NEBL: variants seen among roughly 807,000 people sequenced by gnomAD.
NEBL encodes nebulette.
Under a neutral mutation model 140.2 loss-of-function variants are expected in NEBL, and 122 were observed. That is an observed-to-expected ratio of 0.87 (90% CI 0.75 to 1.01). NEBL has a LOEUF of 1.01. Ranked by LOEUF, NEBL falls within the 50% of genes least tolerant of loss-of-function variation. NEBL has a pLI of 0.00. For missense variants in NEBL, 1,365 were observed against 1,231.3 expected (o/e 1.11, Z -1.62); for synonymous variants, 436 against 398.9 (o/e 1.09, Z -1.11).
At chr10:21,275,161 G>A (rs1010614351) in intron 1 of NEBL, among the ~76,000 whole-genome samples, 1 of 152,184 alleles carries the variant, frequency 6.6e-6, no homozygotes, top group Admixed American at 6.5e-5. Flanking sequence ...CTTTATCGCG[G>A]CCTCATGAGC....
At chr10:21,128,570 T>C (rs561929600) in intron 2 of NEBL, among the ~76,000 whole-genome samples, 4 of 151,410 alleles carry the variant, frequency 2.6e-5, no homozygotes, top group Non-Finnish European at 4.4e-5. Flanking sequence ...AGCTGAAAAA[T>C]CCACAGTAAG....
chr10:21,143,473 C>CAAAAAAAAAAAAAAAAAAAAAAA (rs1839745073), intron 2 of NEBL, among the ~76,000 whole-genome samples: 1 of 122,052 alleles, frequency 8.2e-6, no homozygotes. Flanking sequence ...AAAAAAAAAT[C>CAAAAAAAAAAAAAAAAAAAAAAA]AAACGTGAAA....
chr10:21,179,474 A>AC (rs1025074852), upstream of NEBL, among the ~76,000 whole-genome samples: 2 of 149,388 alleles, frequency 1.3e-5, no homozygotes, highest in Admixed American at 1.3e-4. Flanking sequence ...CCAATCAATG[A>AC]CCCCCCGCTC....
chr10:21,172,593 C>CA (rs1841129049), intron 1 of NEBL: 1 of 744,154 alleles, frequency 1.3e-6, no homozygotes. Context: ...AATATTACAA[C>CA]AAAAAGAGTG....
At chr10:21,053,023 T>A (rs994673765) in intron 2 of NEBL, among the ~76,000 whole-genome samples, 1 of 152,198 alleles carries the variant, frequency 6.6e-6, no homozygotes, top group African/African-American at 2.4e-5. Flanking sequence ...TCCCAACACA[T>A]AGAAACGATG....
At chr10:21,054,795 C>T (rs1358436054) in intron 2 of NEBL, among the ~76,000 whole-genome samples, 2 of 152,008 alleles carry the variant, frequency 1.3e-5, no homozygotes, top group African/African-American at 4.8e-5. Flanking sequence ...TATGACTTGG[C>T]ACTTACTCGG....
intron 21 of NEBL, among the ~76,000 whole-genome samples, chr10:20,817,377 A>G (rs1486226500): frequency 6.6e-6 from 1 of 152,124 alleles, no homozygotes; most frequent in Non-Finnish European, 1.5e-5. Context: ...AAAAAAACAA[A>G]AAGAAAAAAG....
At chr10:21,261,954 C>A (rs2132281388) in intron 1 of NEBL, among the ~76,000 whole-genome samples, 1 of 152,276 alleles carries the variant, frequency 6.6e-6, no homozygotes, top group Non-Finnish European at 1.5e-5. Flanking sequence ...GGAGTCCACA[C>A]TGTTCAGTCC....
intron 2 of NEBL, among the ~76,000 whole-genome samples, chr10:21,086,513 C>T (rs895947890): frequency 6.6e-6 from 1 of 152,184 alleles, no homozygotes; most frequent in Non-Finnish European, 1.5e-5. Flanking sequence ...CATGGTGGCT[C>T]ACACCTGTAA....
At chr10:21,282,909 G>C (rs1443098208) in intron 1 of NEBL, among the ~76,000 whole-genome samples, 1 of 152,194 alleles carries the variant, frequency 6.6e-6, no homozygotes, top group Non-Finnish European at 1.5e-5. Flanking sequence ...CAGATCACCT[G>C]AGGTTAAGAG....
intron 4 of NEBL, among the ~76,000 whole-genome samples, chr10:20,936,326 C>A (rs984946329): frequency 6.6e-6 from 1 of 151,940 alleles, no homozygotes; most frequent in Non-Finnish European, 1.5e-5. Flanking sequence ...GTAAAAGGGG[C>A]AATAAAAAAA....
chr10:21,191,855 TC>T (rs1841579428), intron 3 of NEBL, among the ~76,000 whole-genome samples: 1 of 152,102 alleles, frequency 6.6e-6, no homozygotes, highest in South Asian at 2.1e-4. Flanking sequence ...ATCAAAAGCT[TC>T]CCCAACTTCT....
At position 21,061,437 on chromosome 10, in the gene NEBL, GAT is replaced by G. The variant is rs199667295; in HGVS notation, c.165-41238_165-41237del. 3.7e-3 allele frequency among the ~76,000 whole-genome samples: 549 copies of G among 146,416 alleles called. 3 individuals are homozygous for G. Among genetic ancestry groups the G allele is most frequent in the African/African-American group, 0.012 (478 of 40,156 alleles). ...ACGTATCATATATTGCATGGTGTAT[GAT>G]ATATATCGTATATTACATGATATAT... On this transcript the variant is annotated intron_variant, in intron 2 of 6. Coordinates refer to the NEBL transcript ENST00000417816.
At chr10:21,236,457 C>T (rs374420911) in intron 3 of NEBL, among the ~76,000 whole-genome samples, 37 of 150,594 alleles carry the variant, frequency 2.5e-4, no homozygotes, top group African/African-American at 6.6e-4. Flanking sequence ...AAGCAATTCT[C>T]ATACCTCAGC....
At chr10:21,060,333 T>C (rs895832218) in intron 2 of NEBL, among the ~76,000 whole-genome samples, 3 of 152,202 alleles carry the variant, frequency 2.0e-5, no homozygotes, top group Non-Finnish European at 4.4e-5. Context: ...AGAGGGGGTT[T>C]CATTTTCAGC....
At chr10:20,952,203 G>C (rs755825399) in intron 4 of NEBL, among the ~76,000 whole-genome samples, 10 of 152,120 alleles carry the variant, frequency 6.6e-5, no homozygotes, top group Non-Finnish European at 1.2e-4. Flanking sequence ...TTGGGAAACC[G>C]AGGGAGGTGG....
Position 20,869,847 on chromosome 10 carries a change from C to T in NEBL, c.481-6G>A, listed in dbSNP as rs1286250524. On this transcript the variant is annotated splice_region_variant and splice_polypyrimidine_tract_variant and intron_variant, in intron 5 of 27. Transcript: ENST00000377122. The stretch of plus-strand genomic sequence containing the variant: ...ACGTCTTTCCTATAAGAAATCTGAT[C>T]AGAGACAGTTTTGGTTAAAAAATAA... The T allele has an allele frequency of 6.4e-7, 1 of 1,574,696 alleles. No individual in the cohort carries two copies. The highest frequency in any genetic ancestry group is 8.7e-7 in the Non-Finnish European group (1 of 1,144,298).
intron 2 of NEBL, among the ~76,000 whole-genome samples, chr10:21,048,395 C>T (rs1834613414): frequency 6.6e-6 from 1 of 150,640 alleles, no homozygotes; most frequent in Non-Finnish European, 1.5e-5. Context: ...CAGAAAATCT[C>T]CCGGGGCGGT....
intron 3 of NEBL, among the ~76,000 whole-genome samples, chr10:21,181,263 C>CAA (rs35619848): frequency 3.0e-4 from 38 of 126,048 alleles, no homozygotes; most frequent in Admixed American, 5.1e-4. Flanking sequence ...AACTCTGTCT[C>CAA]AAAAAAAAAA....
Sources: gnomAD v4.1 joint callset for allele counts (sites outside exome capture counted in the v4.1 genomes callset) on GRCh38, gnomAD v4.1.1 for gene constraint, MANE v1.5 for transcripts, NCBI Gene and HGNC (gene_info 2026-07-23, HGNC 2026-07-21) for gene names.